The following CFAP58 variants were observed in gnomAD, a reference collection of about 807,000 sequenced individuals.
CFAP58 encodes the protein cilia- and flagella-associated protein 58.
A neutral mutation model predicts 119.5 loss-of-function variants in CFAP58; 88 were observed. The ratio of observed to expected loss-of-function variants is 0.74; its 90% CI spans 0.62 to 0.88. CFAP58 has a LOEUF of 0.88. Ranked by LOEUF, CFAP58 falls within the 40% of genes least tolerant of loss-of-function variation. CFAP58 has a pLI of 0.00. For synonymous variants in CFAP58, 365 were observed against 366.3 expected (o/e 1.00, Z 0.04); for missense variants, 990 against 1,021.2 (o/e 0.97, Z 0.42).
chr10:104,451,196 T>A (rs1054263591), intron 17 of CFAP58, among the ~76,000 whole-genome samples: 3 of 152,202 alleles, frequency 2.0e-5, no homozygotes, highest in African/African-American at 7.2e-5. Context: ...CTTATCCACA[T>A]GGACATTTCA....
At chr10:104,342,666 C>CAA in the CFAP58 span, among the ~76,000 whole-genome samples, 186 of 90,488 alleles carry the variant, frequency 2.1e-3, 5 homozygotes, top group African/African-American at 6.0e-3. Flanking sequence ...CCCGTCTATA[C>CAA]AAAAAAAAAA....
chr10:104,375,623 C>T (rs989904233), intron 7 of CFAP58, among the ~76,000 whole-genome samples: 5 of 152,176 alleles, frequency 3.3e-5, no homozygotes, highest in Admixed American at 2.6e-4. Context: ...GACCATGGCC[C>T]GTGACACAGA....
At chr10:104,341,624 GA>G in the CFAP58 span, among the ~76,000 whole-genome samples, 1 of 151,476 alleles carries the variant, frequency 6.6e-6, no homozygotes, top group Non-Finnish European at 1.5e-5. Context: ...ATAGCTCATT[GA>G]AAAGGGGAAA....
the CFAP58 span, among the ~76,000 whole-genome samples, chr10:104,345,615 G>T: frequency 6.6e-6 from 1 of 152,102 alleles, no homozygotes; most frequent in Admixed American, 6.5e-5. Flanking sequence ...TCCCAGTCTG[G>T]TGGGGAGACA....
intron 9 of CFAP58, chr10:104,382,085 C>T (rs765572586): frequency 2.8e-6 from 2 of 717,310 alleles, no homozygotes; most frequent in East Asian, 2.7e-5. Flanking sequence ...CTGGCCTTTG[C>T]AGGTCAGCTG....
Position 104,447,256 on chromosome 10 carries a change from G to A in CFAP58, c.2257-442G>A, listed in dbSNP as rs141808950. ...TCATCTTGAACTCCTGGCCTCAAGCGACCCTCCTGCCTCAGCCTCCCAATG... is the reference window on the plus strand; with the variant it reads ...TCATCTTGAACTCCTGGCCTCAAGCAACCCTCCTGCCTCAGCCTCCCAATG... On this transcript the variant is annotated intron_variant, in intron 15 of 17. Transcript: ENST00000369704. Among the ~76,000 whole-genome samples the A allele has an allele frequency of 2.0e-5, 3 of 151,502 alleles. No homozygotes were observed. In the East Asian group the frequency reaches 5.8e-4, roughly 29 times the overall value.
At chr10:104,339,594 T>TGC in the CFAP58 span, among the ~76,000 whole-genome samples, 19 of 152,296 alleles carry the variant, frequency 1.2e-4, no homozygotes, top group African/African-American at 4.6e-4. Flanking sequence ...TTAGATCACC[T>TGC]TTTTTTCGTC....
intron 15 of CFAP58, among the ~76,000 whole-genome samples, chr10:104,442,414 C>T (rs774649730): frequency 2.8e-4 from 42 of 151,962 alleles, no homozygotes; most frequent in Admixed American, 1.8e-3. Context: ...ATGGTGAAAC[C>T]CCATCTCTAC....
chr10:104,359,347 A>G (rs2135247116), intron 2 of CFAP58, among the ~76,000 whole-genome samples: 1 of 152,350 alleles, frequency 6.6e-6, no homozygotes, highest in Admixed American at 6.5e-5. Context: ...TGAATTTCCA[A>G]GACCAGTACT....
At chr10:104,340,990 A>G in the CFAP58 span, among the ~76,000 whole-genome samples, 1 of 152,186 alleles carries the variant, frequency 6.6e-6, no homozygotes, top group Non-Finnish European at 1.5e-5. Context: ...CTTCTATAGA[A>G]ATGAAAACCC....
At chr10:104,428,744 CCAGG>C (rs1450179560) in intron 15 of CFAP58, among the ~76,000 whole-genome samples, 1 of 152,126 alleles carries the variant, frequency 6.6e-6, no homozygotes, top group Non-Finnish European at 1.5e-5. Flanking sequence ...CATGCACACA[CCAGG>C]CAAGAGGATG....
intron 6 of CFAP58, among the ~76,000 whole-genome samples, chr10:104,369,479 C>T (rs546817726): frequency 7.2e-4 from 110 of 152,212 alleles, no homozygotes; most frequent in African/African-American, 2.4e-3. Flanking sequence ...TAATTTGAAC[C>T]CTATAGGGTC....
intron 9 of CFAP58, among the ~76,000 whole-genome samples, chr10:104,386,377 CA>C (rs71482427): frequency 0.04 from 5,341 of 133,426 alleles, 223 homozygotes; most frequent in African/African-American, 0.11. Flanking sequence ...ACCACCATCT[CA>C]AAAAAAAAAA....
At chr10:104,443,622 G>T (rs1055663905) in intron 15 of CFAP58, among the ~76,000 whole-genome samples, 12 of 152,216 alleles carry the variant, frequency 7.9e-5, no homozygotes, top group Non-Finnish European at 1.2e-4. Flanking sequence ...GGGGTGCTGA[G>T]GTGCATGTTG....
chr10:104,396,791 A>T (rs185173521), intron 11 of CFAP58, among the ~76,000 whole-genome samples: 10 of 152,330 alleles, frequency 6.6e-5, no homozygotes, highest in Non-Finnish European at 1.3e-4. Flanking sequence ...TTGCTTGATG[A>T]GCTTTTGAAT....
chr10:104,416,454 A>G (rs745456533), intron 15 of CFAP58, among the ~76,000 whole-genome samples: 4 of 152,164 alleles, frequency 2.6e-5, no homozygotes, highest in Non-Finnish European at 5.9e-5. Context: ...AACTTTCTCT[A>G]TAATTTAATT....
intron 8 of CFAP58, among the ~76,000 whole-genome samples, chr10:104,378,038 G>A (rs953305822): frequency 6.6e-5 from 10 of 152,154 alleles, no homozygotes; most frequent in Admixed American, 6.5e-4. Context: ...AAGACATGTA[G>A]TGCAATAGTA....
chr10:104,394,513 T>C (rs770893281), intron 11 of CFAP58, among the ~76,000 whole-genome samples: 9 of 152,212 alleles, frequency 5.9e-5, no homozygotes, highest in Non-Finnish European at 1.0e-4. Context: ...TACCATAGAT[T>C]GAAATAGGCA....
chr10:104,412,767 G>A (rs1337183629), intron 15 of CFAP58, among the ~76,000 whole-genome samples: 1 of 152,162 alleles, frequency 6.6e-6, no homozygotes, highest in Non-Finnish European at 1.5e-5. Flanking sequence ...ACTCTTTGAG[G>A]AGGGGCGCTT....
Sources: allele counts gnomAD v4.1 joint callset (sites outside exome capture counted in the v4.1 genomes callset), GRCh38; gene constraint gnomAD v4.1.1; transcripts MANE v1.5; gene names NCBI Gene and HGNC (gene_info 2026-07-23, HGNC 2026-07-21).